The following SLA variants were observed in gnomAD, a reference collection of about 807,000 sequenced individuals.
SLA encodes the protein Src like adaptor, also known as src-like-adapter.
A neutral mutation model predicts 30.3 loss-of-function variants in SLA; 16 were observed. The ratio of observed to expected loss-of-function variants is 0.53; its 90% CI spans 0.36 to 0.80. The LOEUF (loss-of-function observed/expected upper bound fraction) is 0.80. SLA is among the 30% of genes least tolerant of loss of function. SLA has a pLI of 0.01. For synonymous variants in SLA, 143 were observed against 137.8 expected (o/e 1.04, Z -0.26); for missense variants, 310 against 345.2 (o/e 0.90, Z 0.81).
At chr8:133,076,070 CAG>C (rs1844814735) in intron 1 of SLA, 1 of 152,142 alleles carries the variant, frequency 6.6e-6, no homozygotes, top group South Asian at 2.1e-4. Flanking sequence ...ATTGATGAAA[CAG>C]GTAAAATTTC....
At chr8:133,078,890 C>A (rs1845309162) in intron 1 of SLA, among the ~76,000 whole-genome samples, 1 of 152,156 alleles carries the variant, frequency 6.6e-6, no homozygotes, top group South Asian at 2.1e-4. Context: ...AGTTTCTGAT[C>A]TAGCAGAGGA....
chr8:133,071,282 G>A (rs1258719690), intron 2 of SLA, among the ~76,000 whole-genome samples: 1 of 152,222 alleles, frequency 6.6e-6, no homozygotes, highest in Non-Finnish European at 1.5e-5. Context: ...GGGAAACCAA[G>A]GCCAGAGCAT....
At chr8:133,100,445 G>A (rs1383856114) in intron 1 of SLA, among the ~76,000 whole-genome samples, 1 of 152,162 alleles carries the variant, frequency 6.6e-6, no homozygotes, top group Non-Finnish European at 1.5e-5. Context: ...AGTTCTGCTA[G>A]ACAAATTGCA....
chr8:133,097,490 A>C (rs1848599145), intron 1 of SLA, among the ~76,000 whole-genome samples: 2 of 152,230 alleles, frequency 1.3e-5, no homozygotes, highest in African/African-American at 4.8e-5. Context: ...AGATATTAAA[A>C]AGAATGAGCT....
chr8:133,051,504 C>A (rs76996815), intron 3 of SLA, among the ~76,000 whole-genome samples: 4 of 152,186 alleles, frequency 2.6e-5, no homozygotes, highest in African/African-American at 7.2e-5. Context: ...ATACTTATTT[C>A]TTGCAGAATA....
intron 2 of SLA, among the ~76,000 whole-genome samples, chr8:133,070,434 G>T (rs1018337484): frequency 6.6e-6 from 1 of 152,218 alleles, no homozygotes; most frequent in South Asian, 2.1e-4. Flanking sequence ...AGGGCCTAAA[G>T]GAGATGTTTA....
chr8:133,085,724 A>G (rs1280507799), intron 1 of SLA, among the ~76,000 whole-genome samples: 1 of 152,246 alleles, frequency 6.6e-6, no homozygotes, highest in Admixed American at 6.5e-5. Flanking sequence ...GATTGTAAGC[A>G]TTACTGAAGA....
At chr8:133,054,685 C>T (rs1368791591) in intron 3 of SLA, among the ~76,000 whole-genome samples, 1 of 152,154 alleles carries the variant, frequency 6.6e-6, no homozygotes, top group Admixed American at 6.5e-5. Context: ...AAATGAACTC[C>T]ACTTGGTGAG....
intron 2 of SLA, among the ~76,000 whole-genome samples, chr8:133,070,887 C>T (rs1377302048): frequency 6.6e-6 from 1 of 152,216 alleles, no homozygotes; most frequent in Non-Finnish European, 1.5e-5. Flanking sequence ...GTCATAAAAT[C>T]ACTGGGATGG....
chr8:133,067,635 G>A (rs1843213555), intron 2 of SLA, among the ~76,000 whole-genome samples: 1 of 152,056 alleles, frequency 6.6e-6, no homozygotes, highest in Non-Finnish European at 1.5e-5. Flanking sequence ...AATTAGCTGG[G>A]TGTGGTGGCA....
At chr8:133,064,261 A>G (rs1842778444) in intron 2 of SLA, 1 of 152,236 alleles carries the variant, frequency 6.6e-6, no homozygotes, top group Admixed American at 6.5e-5. Flanking sequence ...TCAAGACTCA[A>G]TGGTTTTTAA....
intron 1 of SLA, among the ~76,000 whole-genome samples, chr8:133,077,522 T>G (rs1845080951): frequency 6.6e-6 from 1 of 152,146 alleles, no homozygotes. Context: ...TTCCTCATAC[T>G]GGGCACTGTG....
rs371632708 is a variant in SLA, at chr8:133,094,451, A to G, written c.-319+8102T>C. On this transcript the variant is annotated intron_variant, in intron 1 of 8. Transcript: ENST00000338087. ...GAGATGGGGTTTCACTGTGTTAGCC[A>G]GGATGGTCTCGATCTCCTGACCTTG... 4.6e-5 allele frequency among the ~76,000 whole-genome samples: 7 copies of G among 152,136 alleles called. No individual in the cohort carries two copies. The South Asian group carries it at 1.2e-3, about 27-fold the overall frequency.
chr8:133,061,058 T>C (rs989996863), intron 2 of SLA, among the ~76,000 whole-genome samples: 2 of 152,172 alleles, frequency 1.3e-5, no homozygotes, highest in African/African-American at 2.4e-5. Flanking sequence ...GTCGCCTAGG[T>C]TGGAGTGCAA....
At chr8:133,093,893 A>T (rs1847984734) in intron 1 of SLA, among the ~76,000 whole-genome samples, 1 of 152,188 alleles carries the variant, frequency 6.6e-6, no homozygotes, top group African/African-American at 2.4e-5. Context: ...TGAGGGTCTG[A>T]TGAGCTGAAA....
intron 7 of SLA, among the ~76,000 whole-genome samples, chr8:133,042,736 C>G (rs1280939047): frequency 8.4e-6 from 1 of 119,266 alleles, no homozygotes; most frequent in Non-Finnish European, 1.6e-5. Context: ...CTCTGCCACA[C>G]AAGCTGGAGT....
chr8:133,050,742 C>A, intron 4 of SLA, 74 bp downstream of exon 4: 2 of 1,001,672 alleles, frequency 2.0e-6, no homozygotes, highest in East Asian at 2.4e-5. Context: ...CTCTAGCTAA[C>A]AATCAAATAC....
intron 1 of SLA, chr8:133,095,183 A>G (rs779409681): frequency 2.4e-5 from 38 of 1,614,072 alleles, no homozygotes; most frequent in Non-Finnish European, 9.3e-6. Context: ...AAGCCTGCCA[A>G]TGTCCTCAAT....
chr8:133,054,579 A>C (rs1166957201), intron 3 of SLA, among the ~76,000 whole-genome samples: 2 of 152,236 alleles, frequency 1.3e-5, no homozygotes, highest in Non-Finnish European at 2.9e-5. Context: ...ATTTTCATGG[A>C]GAGCGGGGTC....
Sources: allele counts gnomAD v4.1 joint callset (sites outside exome capture counted in the v4.1 genomes callset), GRCh38; gene constraint gnomAD v4.1.1; transcripts MANE v1.5; gene names NCBI Gene and HGNC (gene_info 2026-07-23, HGNC 2026-07-21).